Variants in RAB38 observed in about 807,000 individuals in gnomAD.
RAB38 encodes ras-related protein Rab-38.
RAB38 carries 15 observed loss-of-function variants against 18.4 expected under a neutral mutation model. The observed-to-expected ratio is 0.82, with a 90% CI of 0.55 to 1.26. RAB38 has a LOEUF of 1.26. Ranked by LOEUF, RAB38 falls within the 50% of genes most tolerant of loss-of-function variation. The pLI is 0.00. For synonymous variants in RAB38, 101 were observed against 104.4 expected (o/e 0.97, Z 0.20); for missense variants, 294 against 267.4 (o/e 1.10, Z -0.69).
At chr11:88,054,650 A>G in the RAB38 span, among the ~76,000 whole-genome samples, 4 of 152,264 alleles carry the variant, frequency 2.6e-5, no homozygotes, top group Admixed American at 2.6e-4. Context: ...TAAATCCAGT[A>G]ATGGAAAGAT....
chr11:87,909,066 C>T, the RAB38 span, among the ~76,000 whole-genome samples: 2 of 151,998 alleles, frequency 1.3e-5, no homozygotes, highest in East Asian at 3.9e-4. Flanking sequence ...TCTGTGTACT[C>T]ACATATATCC....
chr11:88,028,399 GAGA>G, the RAB38 span, among the ~76,000 whole-genome samples: 20 of 152,320 alleles, frequency 1.3e-4, no homozygotes, highest in East Asian at 3.9e-3. Context: ...GACAAGCTGA[GAGA>G]AGAAGGCTTC....
the RAB38 span, among the ~76,000 whole-genome samples, chr11:87,913,061 G>C: frequency 1.6e-4 from 24 of 151,830 alleles, no homozygotes; most frequent in Non-Finnish European, 2.9e-4. Context: ...GGATTTTCCA[G>C]CTATCTTTCT....
chr11:87,897,488 A>G, the RAB38 span, among the ~76,000 whole-genome samples: 1 of 151,606 alleles, frequency 6.6e-6, no homozygotes, highest in Admixed American at 6.6e-5. Flanking sequence ...AATATTGAAC[A>G]GTGTTAAGAG....
At chr11:87,807,306 A>T in the RAB38 span, among the ~76,000 whole-genome samples, 1 of 152,236 alleles carries the variant, frequency 6.6e-6, no homozygotes, top group Non-Finnish European at 1.5e-5. Context: ...TGAGATTTAA[A>T]GTTTTCCACA....
At chr11:87,901,170 T>C in the RAB38 span, among the ~76,000 whole-genome samples, 1 of 151,552 alleles carries the variant, frequency 6.6e-6, no homozygotes, top group African/African-American at 2.4e-5. Flanking sequence ...GCCTCCTTTA[T>C]AAACATTTAT....
the RAB38 span, among the ~76,000 whole-genome samples, chr11:87,834,901 T>G: frequency 7.9e-5 from 12 of 152,326 alleles, no homozygotes; most frequent in Middle Eastern, 3.4e-3. Context: ...TATTATGATT[T>G]CAAATTTATG....
At chr11:88,008,465 AAATTCTC>A in the RAB38 span, among the ~76,000 whole-genome samples, 1 of 152,128 alleles carries the variant, frequency 6.6e-6, no homozygotes, top group Non-Finnish European at 1.5e-5. Flanking sequence ...TTAGAAAAGG[AAATTCTC>A]AACCATCATC....
chr11:88,154,414 G>C (rs1943100845), intron 1 of RAB38, among the ~76,000 whole-genome samples: 1 of 152,336 alleles, frequency 6.6e-6, no homozygotes, highest in South Asian at 2.1e-4. Flanking sequence ...CAGGAGGAGG[G>C]CTGATAAAGC....
chr11:87,944,534 C>T, the RAB38 span, among the ~76,000 whole-genome samples: 3 of 152,104 alleles, frequency 2.0e-5, no homozygotes, highest in Non-Finnish European at 4.4e-5. Flanking sequence ...GTTCTCTGTG[C>T]CTACTCTTCT....
rs1363666509 is a variant in RAB38, at chr11:88,113,864, G to T, written c.*124C>A. ...TTTCTCTCTCACTGAAAAAACAGAG[G>T]CATAGATCTTTGGCTTGCCACATGT... On this transcript the variant is annotated 3_prime_UTR_variant, in exon 3 of 3. Coordinates refer to ENST00000243662, the MANE Select transcript of RAB38 (RefSeq NM_022337.3). 36 of 1,091,350 alleles carry T rather than the reference G, an allele frequency of 3.3e-5. No individual in the cohort carries two copies. The highest frequency in any genetic ancestry group is 4.6e-5 in the Non-Finnish European group (34 of 744,556). The allele number at this position is 1,091,350 out of a possible 1,614,324, so 67.6% of individuals were successfully genotyped here.
the RAB38 span, among the ~76,000 whole-genome samples, chr11:87,867,312 A>T: frequency 6.6e-6 from 1 of 151,768 alleles, no homozygotes. Flanking sequence ...TGTCTCCACG[A>T]GGCAGTTTTA....
At chr11:88,086,551 G>T in the RAB38 span, among the ~76,000 whole-genome samples, 1 of 151,952 alleles carries the variant, frequency 6.6e-6, no homozygotes, top group Non-Finnish European at 1.5e-5. Flanking sequence ...ACTGGGCATT[G>T]AACCTTTTCA....
At chr11:88,022,740 A>G in the RAB38 span, among the ~76,000 whole-genome samples, 1 of 151,618 alleles carries the variant, frequency 6.6e-6, no homozygotes, top group Non-Finnish European at 1.5e-5. Flanking sequence ...TTTTATAGCC[A>G]TACAGTATTC....
the RAB38 span, among the ~76,000 whole-genome samples, chr11:87,961,819 T>C: frequency 5.9e-5 from 9 of 152,202 alleles, no homozygotes; most frequent in African/African-American, 2.2e-4. Context: ...TCATGGGCTG[T>C]CTAAATAGTA....
rs1418172635 is a variant in RAB38, at chr11:88,124,341, T to C, written c.484-10201A>G. 2.6e-5 allele frequency among the ~76,000 whole-genome samples: 4 copies of C among 152,070 alleles called. No homozygotes were observed. The East Asian group carries it at 7.7e-4, about 29-fold the overall frequency. On this transcript the variant is annotated intron_variant, in intron 2 of 2. Transcript: ENST00000243662. ...CTACCATCAGAGTGAACAGGCAACC[T>C]ACGAATGGGAGAAAATTTTTGCAAT...
chr11:87,830,363 C>A, the RAB38 span, among the ~76,000 whole-genome samples: 1 of 152,004 alleles, frequency 6.6e-6, no homozygotes, highest in African/African-American at 2.4e-5. Context: ...TACCTGTGGT[C>A]CCAGCTACTT....
chr11:87,873,484 C>G, the RAB38 span, among the ~76,000 whole-genome samples: 1 of 151,472 alleles, frequency 6.6e-6, no homozygotes, highest in African/African-American at 2.4e-5. Context: ...TTATTTCATT[C>G]ATGGATTATG....
the RAB38 span, among the ~76,000 whole-genome samples, chr11:88,027,765 T>C: frequency 9.2e-5 from 14 of 152,336 alleles, no homozygotes; most frequent in South Asian, 6.2e-4. Context: ...GAGGCCTGCC[T>C]GCCTGCCTCT....
Sources: gnomAD v4.1 joint callset for allele counts (sites outside exome capture counted in the v4.1 genomes callset) on GRCh38, gnomAD v4.1.1 for gene constraint, MANE v1.5 for transcripts, NCBI Gene and HGNC (gene_info 2026-07-23, HGNC 2026-07-21) for gene names.